Variants in NRG1 observed in about 807,000 individuals in gnomAD.
The protein encoded by NRG1 is pro-neuregulin-1, membrane-bound isoform.
A neutral mutation model predicts 63.8 loss-of-function variants in NRG1; 18 were observed. The ratio of observed to expected loss-of-function variants is 0.28; its 90% confidence interval spans 0.19 to 0.42. NRG1 has a LOEUF of 0.42. Among genes scored for constraint, NRG1 ranks in the 10% least tolerant of loss-of-function variants. The probability of loss-of-function intolerance (pLI) is 1.00; values close to 1 mark genes in which losing one functional copy is unlikely to be tolerated. For missense variants in NRG1, 762 were observed against 814.7 expected (o/e 0.94, Z 0.79); for synonymous variants, 302 against 301.3 (o/e 1.00, Z -0.02).
chr8:32,256,482 G>A (rs73578697), intron 1 of NRG1: 17,877 of 152,276 alleles, frequency 0.12, 1,154 homozygotes, highest in East Asian at 0.28. Flanking sequence ...AGGTCCACTC[G>A]AGACCCTGTT....
chr8:32,648,109 C>T, intron 5 of NRG1: 1 of 1,614,148 alleles, frequency 6.2e-7, no homozygotes, highest in Non-Finnish European at 8.5e-7. Context: ...ACTGCTGCCT[C>T]AGCTGTGTGG....
At chr8:31,922,373 G>T (rs904885851) in intron 1 of NRG1, among the ~76,000 whole-genome samples, 2 of 152,034 alleles carry the variant, frequency 1.3e-5, no homozygotes, top group Admixed American at 1.3e-4. Flanking sequence ...CACTAAATGT[G>T]GAATTGAGAA....
At chr8:31,780,113 CA>C (rs1481992521) in intron 1 of NRG1, among the ~76,000 whole-genome samples, 2 of 152,132 alleles carry the variant, frequency 1.3e-5, no homozygotes, top group African/African-American at 4.8e-5. Context: ...TCTTTATAAA[CA>C]GAGGATTTAC....
chr8:31,884,366 T>C (rs1830565701), intron 1 of NRG1, among the ~76,000 whole-genome samples: 1 of 152,094 alleles, frequency 6.6e-6, no homozygotes, highest in Non-Finnish European at 1.5e-5. Context: ...AGTCTTCTAA[T>C]CAAAGAGTCA....
At chr8:32,438,080 G>A (rs1039877572) in intron 1 of NRG1, among the ~76,000 whole-genome samples, 10 of 151,916 alleles carry the variant, frequency 6.6e-5, no homozygotes, top group Non-Finnish European at 8.8e-5. Context: ...GAAAACTATC[G>A]CACAATAGCA....
chr8:32,723,706 AAAAAAAAAAAAAC>A, intron 5 of NRG1, among the ~76,000 whole-genome samples: 1 of 146,538 alleles, frequency 6.8e-6, no homozygotes, highest in Non-Finnish European at 1.5e-5. Context: ...AAAAAAAAAA[AAAAAAAAAAAAAC>A]AATTGTGGAA....
At chr8:32,072,157 T>A (rs1825843310) in intron 1 of NRG1, among the ~76,000 whole-genome samples, 1 of 151,962 alleles carries the variant, frequency 6.6e-6, no homozygotes. Context: ...ATCTTTATCC[T>A]GAAGGAATTC....
rs561327146 is a variant in NRG1 at position 32,324,300 on chromosome 8, A to T, written c.38-271528A>T. ...GGCTTATGCCCTGTAAGCCGGGGGT[A>T]TCTCCAAATCGTGCAGGAGGAGAGG... On this transcript the variant is annotated intron_variant, in intron 1 of 10. Transcript: ENST00000519301. Among the ~76,000 whole-genome samples, 16 of 152,322 alleles carry T rather than the reference A, an allele frequency of 1.1e-4. No homozygotes were observed. In the East Asian group the frequency reaches 3.1e-3, roughly 29 times the overall value.
At chr8:32,443,243 G>C (rs1441747682) in intron 1 of NRG1, among the ~76,000 whole-genome samples, 1 of 152,078 alleles carries the variant, frequency 6.6e-6, no homozygotes, top group Non-Finnish European at 1.5e-5. Flanking sequence ...CACCCAGCCT[G>C]GGTGTCTGTC....
chr8:31,816,738 T>G (rs1288196914), intron 1 of NRG1, among the ~76,000 whole-genome samples: 4 of 152,206 alleles, frequency 2.6e-5, no homozygotes. Flanking sequence ...CCACTTTATC[T>G]CTGAGGCTTG....
At chr8:32,773,209 T>A (rs1001534778) in intron 7 of NRG1, among the ~76,000 whole-genome samples, 1 of 152,072 alleles carries the variant, frequency 6.6e-6, no homozygotes, top group African/African-American at 2.4e-5. Flanking sequence ...TAGGGCAGAG[T>A]CCCATGGTGT....
At chr8:32,228,939 G>T (rs1450042420) in intron 1 of NRG1, among the ~76,000 whole-genome samples, 1 of 152,146 alleles carries the variant, frequency 6.6e-6, no homozygotes, top group Non-Finnish European at 1.5e-5. Flanking sequence ...CTACAAAGAA[G>T]TGTAGGTAAA....
At chr8:32,009,971 G>A (rs149722673) in intron 1 of NRG1, among the ~76,000 whole-genome samples, 1,761 of 150,262 alleles carry the variant, frequency 0.012, 19 homozygotes, top group Middle Eastern at 0.024. Context: ...GGCAAGGATC[G>A]ACATTTTCTT....
chr8:32,068,186 C>T (rs1411677655), intron 1 of NRG1, among the ~76,000 whole-genome samples: 2 of 152,136 alleles, frequency 1.3e-5, no homozygotes, highest in African/African-American at 4.8e-5. Context: ...AATCACTTAA[C>T]CTCTACAGTT....
chr8:31,676,659 C>T (rs1466122400), intron 1 of NRG1, among the ~76,000 whole-genome samples: 2 of 152,176 alleles, frequency 1.3e-5, no homozygotes, highest in African/African-American at 4.8e-5. Context: ...TGCATGCGCA[C>T]ATGTGAGATC....
At chr8:31,652,951 T>C (rs1805005189) in intron 1 of NRG1, among the ~76,000 whole-genome samples, 1 of 27,890 alleles carries the variant, frequency 3.6e-5, no homozygotes, top group Non-Finnish European at 8.2e-5. Context: ...TTCCTTCCTC[T>C]CTTCTCTCCT....
intron 5 of NRG1, among the ~76,000 whole-genome samples, chr8:32,638,922 G>T (rs1020724109): frequency 6.6e-6 from 1 of 152,036 alleles, no homozygotes; most frequent in Non-Finnish European, 1.5e-5. Context: ...TGCCTGACAG[G>T]TGGCTCACTA....
chr8:32,086,003 C>A (rs1319582563), intron 1 of NRG1, among the ~76,000 whole-genome samples: 4 of 152,018 alleles, frequency 2.6e-5, no homozygotes, highest in Admixed American at 1.3e-4. Context: ...AAGAGAGAAC[C>A]CTTCAGGTAG....
At chr8:32,292,871 C>G (rs548407061) in intron 1 of NRG1, among the ~76,000 whole-genome samples, 2 of 151,960 alleles carry the variant, frequency 1.3e-5, no homozygotes, top group Non-Finnish European at 2.9e-5. Flanking sequence ...CTTGGGAGGC[C>G]AAGGCAGGCT....
Sources: gnomAD v4.1 joint callset for allele counts (sites outside exome capture counted in the v4.1 genomes callset) on GRCh38, gnomAD v4.1.1 for gene constraint, MANE v1.5 for transcripts, NCBI Gene and HGNC (gene_info 2026-07-23, HGNC 2026-07-21) for gene names.